PIEZO1: variants seen among roughly 807,000 people sequenced by gnomAD.
The protein encoded by PIEZO1 is piezo type mechanosensitive ion channel component 1 (Er blood group).
In PIEZO1, 296 loss-of-function variants were observed where a neutral mutation model predicts 297.2. The observed-to-expected ratio is 1.00, with a 90% CI of 0.91 to 1.10. The LOEUF (loss-of-function observed/expected upper bound fraction) is 1.10, where lower values mean the gene tolerates loss of function less well. Among genes scored for constraint, PIEZO1 ranks in the 50% least tolerant of loss-of-function variants. PIEZO1 has a pLI of 0.00. For synonymous variants in PIEZO1, 2,427 were observed against 1,507.5 expected, an observed-to-expected ratio of 1.61 and a Z score of -14.13; for missense variants, 5,018 against 3,455.5, an observed-to-expected ratio of 1.45 and a Z score of -11.34.
intron 3 of PIEZO1, 87 bp downstream of exon 3, chr16:88,742,213 A>G: frequency 6.7e-7 from 1 of 1,494,536 alleles, no homozygotes; most frequent in Non-Finnish European, 8.9e-7. Context: ...GGCTGAGTCA[A>G]CCCCCCCAGG....
rs868592176 is a variant in PIEZO1, at chr16:88,725,527, G to A, written c.4059-8C>T. On this transcript the variant is annotated splice_region_variant and splice_polypyrimidine_tract_variant and intron_variant, in intron 28 of 50. Transcript: ENST00000301015. ...GCACGGATACGCTCCATCCTGTGGTGGGGAAAGGTGGGGTATGCTGAGCAT... is the reference window on the plus strand; with the variant it reads ...GCACGGATACGCTCCATCCTGTGGTAGGGAAAGGTGGGGTATGCTGAGCAT... The A allele has an allele frequency of 6.5e-7, 1 of 1,536,024 alleles. No homozygotes were observed. The highest frequency in any genetic ancestry group is 8.8e-7 in the Non-Finnish European group (1 of 1,137,242).
chr16:88,720,559 C>G (rs4401037), intron 40 of PIEZO1, 27 bp from the exon 41 acceptor site: 3 of 1,546,560 alleles, frequency 1.9e-6, no homozygotes, highest in Admixed American at 2.0e-5. Context: ...TCAGCCTGGG[C>G]CCAGTACCCG....
Position 88,717,218 on chromosome 16 carries a change from G to T in PIEZO1, c.6472-7C>A, listed in dbSNP as rs1360367698. 4 of 1,546,958 alleles carry T rather than the reference G, an allele frequency of 2.6e-6. No individual in the cohort carries two copies. Among genetic ancestry groups the T allele is most frequent in the Middle Eastern group, 1.7e-4 (1 of 5,992 alleles). On this transcript the variant is annotated splice_region_variant and splice_polypyrimidine_tract_variant and intron_variant, in intron 44 of 50. Coordinates refer to ENST00000301015, the MANE Select transcript of PIEZO1 (RefSeq NM_001142864.4). ...CTTTGGGCTGCGGGTATTTCTGGAGGGGAACGACACAGGTCATACGCTCAG... is the reference window on the plus strand; with the variant it reads ...CTTTGGGCTGCGGGTATTTCTGGAGTGGAACGACACAGGTCATACGCTCAG...
At chr16:88,738,774 C>G in intron 5 of PIEZO1, 38 bp from the exon 6 acceptor site, 1 of 1,495,778 alleles carries the variant, frequency 6.7e-7, no homozygotes, top group Non-Finnish European at 9.0e-7. Context: ...TCAGGTGTAT[C>G]GCACTGACGC....
chr16:88,727,901 CGGGGGTG>C (rs1904568151), intron 22 of PIEZO1: 2 of 340,930 alleles, frequency 5.9e-6, no homozygotes, highest in Non-Finnish European at 5.3e-6. Context: ...CCAGAGAGCA[CGGGGGTG>C]GGGGCTGCTG....
rs767600698 is a variant in PIEZO1 at position 88,738,310 on chromosome 16, G to A, written c.765C>T (p.Phe255=). 85 of 1,535,762 alleles carry A rather than the reference G, an allele frequency of 5.5e-5. 1 individual carries two copies. Among genetic ancestry groups the A allele is most frequent in the South Asian group, 4.8e-4 (40 of 84,068 alleles). The change falls in exon 7 of 51, where the codon TTC becomes TTT. Residue 255 remains phenylalanine, a synonymous_variant. Transcript: ENST00000301015. ...FSRLCVAVGC[F]GAGHLICLYC... ...AGAGGCAGATGAGATGGCCGGCGCC[G>A]AAGCACCCCACCGCGACGCAGAGTC...
At chr16:88,725,891 G>C (rs994086784) in intron 27 of PIEZO1, 2 of 583,718 alleles carry the variant, frequency 3.4e-6, no homozygotes, top group Non-Finnish European at 6.1e-6. Flanking sequence ...ACAGATGCAG[G>C]GGCGTCTGGT....
At chr16:88,717,407 C>A in intron 44 of PIEZO1, 196 bp from the exon 45 acceptor site, 1 of 646,620 alleles carries the variant, frequency 1.5e-6, no homozygotes. Context: ...GTTCAGGGGT[C>A]GTTGATCTTA....
At chr16:88,747,127 A>G (rs973479987) in intron 2 of PIEZO1, among the ~76,000 whole-genome samples, 2 of 151,848 alleles carry the variant, frequency 1.3e-5, no homozygotes, top group African/African-American at 2.4e-5. Context: ...GCACTTTGGT[A>G]GGCTAAGGCA....
Position 88,723,957 on chromosome 16 carries a change from C to G in PIEZO1, c.4249G>C (p.Asp1417His). ...CTGTCGGACTCAAACAGGAAGTAGT[C>G]CCCGGAGTGGATGACTGTGGGCAGG... ...LDHATVIHSG[D>H]YFLFESDSEE... Residue 1417 changes from aspartate to histidine, a missense_variant, in exon 31 of 51, where the codon GAC becomes CAC. Transcript: ENST00000301015. 6.5e-7 allele frequency: 1 copy of G among 1,546,682 alleles called. No homozygotes were observed. Among genetic ancestry groups the G allele is most frequent in the South Asian group, 1.2e-5 (1 of 84,014 alleles).
chr16:88,766,512 G>A lies in PIEZO1; in HGVS notation c.65-17033C>T, dbSNP rs188277535. On this transcript the variant is annotated intron_variant, in intron 1 of 50. Transcript: ENST00000301015. ...GGCCTGGGGACCCCGAGTTCCTGCC[G>A]CCTGTGTGGTCCCTCCCAGCACCTG... 4.6e-5 allele frequency among the ~76,000 whole-genome samples: 7 copies of A among 152,340 alleles called. No individual in the cohort carries two copies. The East Asian group carries it at 7.7e-4, about 17-fold the overall frequency.
At position 88,749,490 on chromosome 16, in the gene PIEZO1, A is replaced by G; in HGVS notation, c.65-11T>C. 6.6e-7 allele frequency: 1 copy of G among 1,523,034 alleles called. No individual in the cohort carries two copies. The highest frequency in any genetic ancestry group is 8.8e-7 in the Non-Finnish European group (1 of 1,140,558). The allele number at this position is 1,523,034 out of a possible 1,614,324, so 94.3% of individuals were successfully genotyped here. A position where few individuals can be genotyped will look rare whatever the true frequency, so the allele number is the denominator to read the frequency against. ...AGCGGAGCAGGCAGGCTGCGGGGAGATGGGCGTTAACTAGGTCGCCAACAG... is the reference window on the plus strand; with the variant it reads ...AGCGGAGCAGGCAGGCTGCGGGGAGGTGGGCGTTAACTAGGTCGCCAACAG... On this transcript the variant is annotated splice_polypyrimidine_tract_variant and intron_variant, in intron 1 of 50. Transcript: ENST00000301015.
In PIEZO1 at chr16:88,737,601, C is replaced by T. The variant is rs1247932580; in HGVS notation, c.1153G>A (p.Val385Met). 6 of 1,534,770 alleles carry T rather than the reference C, an allele frequency of 3.9e-6. No homozygotes were observed. The East Asian group carries it at 1.2e-4, about 31-fold the overall frequency. Residue 385 changes from valine to methionine, a missense_variant, in exon 10 of 51, where the codon GTG becomes ATG. Val to Met is a conservative substitution (Grantham distance 21, BLOSUM62 1). Coordinates refer to ENST00000301015, the MANE Select transcript of PIEZO1 (RefSeq NM_001142864.4). ...APDTEADNCIVHELTGQSSVL... is the reference protein window; with the variant it reads ...APDTEADNCIMHELTGQSSVL... ...GAGCTCTGGCCGGTCAGCTCGTGCA[C>T]GATGCAGTTATCAGCCTCGGTGTCG...
intron 22 of PIEZO1, chr16:88,727,927 T>C (rs566597464): frequency 1.6e-5 from 5 of 313,368 alleles, no homozygotes; most frequent in Non-Finnish European, 2.3e-5. Context: ...TGGGCCTGAG[T>C]TGTGGCCCAC....
intron 2 of PIEZO1, among the ~76,000 whole-genome samples, 171 bp from the exon 3 acceptor site, chr16:88,742,593 G>A (rs139439634): frequency 1.3e-5 from 2 of 152,290 alleles, no homozygotes; most frequent in Non-Finnish European, 2.9e-5. Flanking sequence ...CACTCCCCAC[G>A]CCTCCCGAGG....
Position 88,748,276 on chromosome 16 carries a change from C to T in PIEZO1, c.160+1108G>A, listed in dbSNP as rs376727090. Among the ~76,000 whole-genome samples, 12 of 9,198 alleles carry T rather than the reference C, an allele frequency of 1.3e-3. No homozygotes were observed. The East Asian group carries it at 0.1, about 77-fold the overall frequency. 6.0% of individuals were successfully genotyped at this position (9,198 alleles called of 152,430 possible). Reference sequence around the variant, plus strand: ...AGGTCTCTGAGTGTTTGCTCCAAAACGCGCTCTCCTAAAACGTGGGCACAA... The same window carrying T: ...AGGTCTCTGAGTGTTTGCTCCAAAATGCGCTCTCCTAAAACGTGGGCACAA... On this transcript the variant is annotated intron_variant, in intron 2 of 50. Coordinates refer to ENST00000301015, the MANE Select transcript of PIEZO1 (RefSeq NM_001142864.4).
intron 21 of PIEZO1, 80 bp downstream of exon 21, chr16:88,732,255 G>A (rs1390097409): frequency 1.6e-6 from 2 of 1,275,764 alleles, no homozygotes; most frequent in South Asian, 1.3e-5. Flanking sequence ...GGCCAGGCTT[G>A]CGGTGCCTGC....
At chr16:88,755,397 G>A (rs1029515796) in intron 1 of PIEZO1, among the ~76,000 whole-genome samples, 1 of 152,186 alleles carries the variant, frequency 6.6e-6, no homozygotes, top group East Asian at 1.9e-4. Flanking sequence ...AGAGTGTCTA[G>A]TCCTCGTACG....
Position 88,726,596 on chromosome 16 carries a change from C to G in PIEZO1, c.3747G>C (p.Trp1249Cys), listed in dbSNP as rs1169601522. ...ATACAAGGCTGAAGAGCTGGATGAC[C>G]CAGCAGAAGCCGGTCTGCATCTGCT... ...FVEQMQTGFC[W>C]VIQLFSLVCT... is the part of the protein sequence containing the mutation. Residue 1249 changes from tryptophan (W) to cysteine (C), a missense_variant, in exon 26 of 51, where the codon TGG (tryptophan) becomes TGC (cysteine). Physicochemically the swap from Trp to Cys is radical, Grantham distance 215. Coordinates refer to ENST00000301015, the MANE Select transcript of PIEZO1 (RefSeq NM_001142864.4). The G allele has an allele frequency of 1.3e-6, 2 of 1,548,210 alleles. No individual in the cohort carries two copies. The highest frequency in any genetic ancestry group is 1.7e-6 in the Non-Finnish European group (2 of 1,145,548).
Sources: gnomAD v4.1 joint callset for allele counts (sites outside exome capture counted in the v4.1 genomes callset) on GRCh38, gnomAD v4.1.1 for gene constraint, MANE v1.5 for transcripts, NCBI Gene and HGNC (gene_info 2026-07-23, HGNC 2026-07-21) for gene names.